Variants in EGFL6 observed in about 807,000 individuals in gnomAD.
EGFL6 encodes epidermal growth factor-like protein 6.
In EGFL6, 42 loss-of-function variants were observed where a neutral mutation model predicts 43.1. The ratio of observed to expected loss-of-function variants is 0.98; its 90% CI spans 0.76 to 1.26. EGFL6 has a LOEUF of 1.26. Ranked by LOEUF, EGFL6 falls within the 50% of genes most tolerant of loss-of-function variation. EGFL6 has a pLI of 0.00. For synonymous variants in EGFL6, 164 were observed against 163.2 expected, an observed-to-expected ratio of 1.01 and a Z score of -0.04; for missense variants, 429 against 427.8, an observed-to-expected ratio of 1.00 and a Z score of -0.02.
chrX:13,632,296 G>GT (rs1569211917), intron 11 of EGFL6, among the ~76,000 whole-genome samples: 1 of 98,009 alleles, frequency 1.0e-5, no homozygotes, highest in Non-Finnish European at 2.0e-5. Context: ...TTTGTTTTTT[G>GT]GTTTTTTTTT....
rs375564027 is a variant in EGFL6, at chrX:13,603,456, C to T, written c.520+20C>T. 7 of 1,178,268 alleles carry T rather than the reference C, an allele frequency of 5.9e-6. No homozygotes were observed. The South Asian group carries it at 1.2e-4, about 20-fold the overall frequency. On this transcript the variant is annotated intron_variant, in intron 5 of 11. Transcript: ENST00000361306. ...GTCTAGGTACAACAGCAGGAATCACCTCTACTCCTCCTTCTCCTCCCTTGA... is the reference window on the plus strand; with the variant it reads ...GTCTAGGTACAACAGCAGGAATCACTTCTACTCCTCCTTCTCCTCCCTTGA...
chrX:13,612,362 G>T (rs2045694241), intron 7 of EGFL6, among the ~76,000 whole-genome samples: 1 of 108,096 alleles, frequency 9.3e-6, no homozygotes, highest in African/African-American at 3.4e-5. Flanking sequence ...ACGGGGTTGG[G>T]GGTAAGGTTA....
At chrX:13,628,806 TC>T (rs2045795716) in intron 11 of EGFL6, among the ~76,000 whole-genome samples, 1 of 96,944 alleles carries the variant, frequency 1.0e-5, no homozygotes, top group African/African-American at 5.0e-5. Flanking sequence ...AAACTCTATC[TC>T]AAAAAAAACC....
intron 7 of EGFL6, among the ~76,000 whole-genome samples, chrX:13,614,415 G>C (rs912011079): frequency 1.8e-5 from 2 of 111,921 alleles, no homozygotes; most frequent in African/African-American, 6.5e-5. Context: ...TGTGTCCAAA[G>C]CTCAGATTAG....
intron 6 of EGFL6, among the ~76,000 whole-genome samples, chrX:13,607,794 G>A (rs184900699): frequency 8.9e-6 from 1 of 112,083 alleles, no homozygotes; most frequent in East Asian, 2.8e-4. Context: ...TGGAGAATAC[G>A]GCAAACAAAC....
chrX:13,575,460 T>C lies in EGFL6; in HGVS notation c.74+5525T>C, dbSNP rs776299969. On this transcript the variant is annotated intron_variant, in intron 1 of 11. Coordinates refer to ENST00000361306, the MANE Select transcript of EGFL6 (RefSeq NM_015507.4). ...ACACACACACAGGAAAGACCATGTA[T>C]GGACACAAAAAGAAGACAGCCATCT... is the stretch of plus-strand genomic sequence containing the variant. Among the ~76,000 whole-genome samples the C allele has an allele frequency of 1.1e-4, 12 of 111,461 alleles. No homozygotes were observed. The East Asian group carries it at 3.1e-3, about 29-fold the overall frequency.
chrX:13,571,484 A>G (rs1306958732), intron 1 of EGFL6, among the ~76,000 whole-genome samples: 1 of 111,870 alleles, frequency 8.9e-6, no homozygotes, highest in Non-Finnish European at 1.9e-5. Context: ...CTTGAATGCT[A>G]GAGGTTCTTG....
chrX:13,607,327 T>C (rs1335299360), intron 6 of EGFL6, among the ~76,000 whole-genome samples: 2 of 111,526 alleles, frequency 1.8e-5, no homozygotes, highest in Admixed American at 9.5e-5. Flanking sequence ...GGAAGGCTAA[T>C]AGTTGAGAAA....
chrX:13,589,845 G>A (rs930536944), intron 2 of EGFL6, among the ~76,000 whole-genome samples, 177 bp downstream of exon 2: 5 of 112,653 alleles, frequency 4.4e-5, no homozygotes, highest in Admixed American at 9.3e-5. Flanking sequence ...TGTGGCTGAC[G>A]CCATCATACT....
Position 13,599,961 on chromosome X carries a change from A to G in EGFL6, c.281-14A>G. On this transcript the variant is annotated splice_polypyrimidine_tract_variant and intron_variant, in intron 3 of 11. Coordinates refer to ENST00000361306, the MANE Select transcript of EGFL6 (RefSeq NM_015507.4). ...TTCAGTTCACCTTTCCCTGTTTTCT[A>G]AATGTCCCTGCAGATGTGAATGAGT... 3 of 1,208,217 alleles carry G rather than the reference A, an allele frequency of 2.5e-6. No homozygotes were observed. The highest frequency in any genetic ancestry group is 3.4e-6 in the Non-Finnish European group (3 of 893,508).
intron 10 of EGFL6, 141 bp downstream of exon 10, chrX:13,624,066 T>G: frequency 2.3e-6 from 1 of 437,448 alleles, no homozygotes; most frequent in Non-Finnish European, 3.9e-6. Flanking sequence ...TTCTGAGCTC[T>G]CCCTTGATAG....
At position 13,588,988 on chromosome X, in the gene EGFL6, C is replaced by T. The variant is rs147174788; in HGVS notation, c.75-568C>T. ...TGGGTTTCCAGGAGGTCAATGGGAA[C>T]GAGCCCTGGGCTAGAATTCCCAACA... On this transcript the variant is annotated intron_variant, in intron 1 of 11. Coordinates refer to ENST00000361306, the MANE Select transcript of EGFL6 (RefSeq NM_015507.4). Among the ~76,000 whole-genome samples the T allele has an allele frequency of 3.6e-4, 40 of 112,088 alleles. No homozygotes were observed. In the East Asian group the frequency reaches 7.6e-3, roughly 21 times the overall value.
rs776071203 is a variant in EGFL6 at position 13,619,351 on chromosome X, C to A, written c.1183+108C>A. 1.8e-5 allele frequency: 12 copies of A among 679,094 alleles called. No individual in the cohort carries two copies. In the South Asian group the frequency reaches 3.1e-4, roughly 17 times the overall value. The allele number at this position is 679,094 out of a possible 1,213,427, so 56.0% of individuals were successfully genotyped here. ...TATGAATCCCTGCTTCATTCGTAAA[C>A]CCCCAAGGGAAAAATCATTACATCA... On this transcript the variant is annotated intron_variant, in intron 9 of 11. Coordinates refer to ENST00000361306, the MANE Select transcript of EGFL6 (RefSeq NM_015507.4).
At chrX:13,626,178 C>T (rs1230205323) in intron 10 of EGFL6, among the ~76,000 whole-genome samples, 1 of 111,622 alleles carries the variant, frequency 9.0e-6, no homozygotes, top group Non-Finnish European at 1.9e-5. Flanking sequence ...AATCTGGATA[C>T]CCTACTAGCT....
chrX:13,595,671 A>C (rs2045593241), intron 3 of EGFL6, among the ~76,000 whole-genome samples: 1 of 111,716 alleles, frequency 9.0e-6, no homozygotes, highest in Non-Finnish European at 1.9e-5. Context: ...AATATTTAAA[A>C]GTGGAATTGT....
chrX:13,576,329 C>T (rs1464550432), intron 1 of EGFL6, among the ~76,000 whole-genome samples: 2 of 111,435 alleles, frequency 1.8e-5, no homozygotes, highest in Non-Finnish European at 3.8e-5. Context: ...ACACTCACTA[C>T]CATGAGGACA....
intron 9 of EGFL6, among the ~76,000 whole-genome samples, chrX:13,622,428 A>G (rs1329695009): frequency 8.9e-6 from 1 of 112,022 alleles, no homozygotes; most frequent in South Asian, 3.8e-4. Context: ...GCAAATCAAA[A>G]TGAGTCAAGA....
chrX:13,608,525 TCTC>T (rs1403943848), intron 7 of EGFL6, 79 bp downstream of exon 7: 30 of 1,116,756 alleles, frequency 2.7e-5, no homozygotes, highest in Non-Finnish European at 3.6e-5. Context: ...CCTCTATTTC[TCTC>T]CTTTCTTTGT....
intron 1 of EGFL6, among the ~76,000 whole-genome samples, chrX:13,587,914 C>T (rs188972540): frequency 5.5e-4 from 61 of 111,694 alleles, no homozygotes; most frequent in African/African-American, 1.9e-3. Flanking sequence ...AGTTTACCTT[C>T]CAGGGGACAT....
Sources: gnomAD v4.1 joint callset for allele counts (sites outside exome capture counted in the v4.1 genomes callset) on GRCh38, gnomAD v4.1.1 for gene constraint, MANE v1.5 for transcripts, NCBI Gene and HGNC (gene_info 2026-07-23, HGNC 2026-07-21) for gene names.